The following CHST1 variants were observed in gnomAD, a reference collection of about 807,000 sequenced individuals.
The protein encoded by CHST1 is carbohydrate sulfotransferase 1.
Under a neutral mutation model 22.5 loss-of-function variants are expected in CHST1, and 10 were observed. The observed-to-expected ratio is 0.44, with a 90% CI of 0.27 to 0.75. The LOEUF is 0.75. Among genes scored for constraint, CHST1 ranks in the 30% least tolerant of loss-of-function variants. The pLI is 0.15. For synonymous variants in CHST1, 267 were observed against 264.5 expected, an observed-to-expected ratio of 1.01 and a Z score of -0.09; for missense variants, 439 against 576.1, an observed-to-expected ratio of 0.76 and a Z score of 2.44.
intron 1 of CHST1, among the ~76,000 whole-genome samples, chr11:45,661,143 C>T (rs570993847): frequency 3.5e-4 from 54 of 152,298 alleles, no homozygotes; most frequent in Non-Finnish European, 7.1e-4. Context: ...TACAGCGCCT[C>T]GAGTAATCTT....
In CHST1 at chr11:45,649,759, C is replaced by A; in HGVS notation, c.1165G>T (p.Ala389Ser). ...GGGTTCTTCAGCTCCTCCTCCGAGG[C>A]GGCGATCTTGTAGCCCAGCTGGGCC... ...VLAQLGYKIA[A>S]SEEELKNPSV... Residue 389 changes from alanine (A) to serine (S), a missense_variant, in exon 4 of 4, where the codon GCC (alanine) becomes TCC (serine). Transcript: ENST00000308064. 6.2e-7 allele frequency: 1 copy of A among 1,610,664 alleles called. No individual in the cohort carries two copies. The highest frequency in any genetic ancestry group is 8.5e-7 in the Non-Finnish European group (1 of 1,179,370).
At chr11:45,660,404 C>G (rs1175296179) in intron 1 of CHST1, among the ~76,000 whole-genome samples, 1 of 152,224 alleles carries the variant, frequency 6.6e-6, no homozygotes, top group Non-Finnish European at 1.5e-5. Flanking sequence ...GTCCAAATTA[C>G]TCCATTCAGC....
chr11:45,664,387 G>A (rs1852171290), intron 1 of CHST1, among the ~76,000 whole-genome samples: 1 of 152,334 alleles, frequency 6.6e-6, no homozygotes, highest in Admixed American at 6.5e-5. Flanking sequence ...GCTGAGGAAG[G>A]CAGTCCTGTG....
At position 45,650,607 on chromosome 11, in the gene CHST1, T is replaced by C. The variant is rs1237953104; in HGVS notation, c.317A>G (p.Gln106Arg). 7.4e-6 allele frequency: 12 copies of C among 1,613,890 alleles called. No individual in the cohort carries two copies. The highest frequency in any genetic ancestry group is 1.0e-5 in the Non-Finnish European group (12 of 1,179,978). ...CCGCCGGTCGGCCGGGCTCTTGCCC[T>C]GGGTGAAGCGGGGGATGAGCGTGTT... ...VQNTLIPRFT[Q>R]GKSPADRRVM... The change falls in exon 4 of 4, where the codon CAG (glutamine) becomes CGG (arginine). Residue 106 changes from glutamine to arginine, a missense_variant. Physicochemically the swap from Gln to Arg is conservative, Grantham distance 43 (BLOSUM62 1). Coordinates refer to ENST00000308064, the MANE Select transcript of CHST1 (RefSeq NM_003654.6).
intron 1 of CHST1, among the ~76,000 whole-genome samples, chr11:45,656,601 G>GT (rs1285370344): frequency 6.6e-6 from 1 of 152,178 alleles, no homozygotes; most frequent in Non-Finnish European, 1.5e-5. Flanking sequence ...TTTTGATTCA[G>GT]TTTGAGTTTA....
At chr11:45,651,899 G>A (rs1169357401) in intron 3 of CHST1, 94 bp downstream of exon 3, 1 of 152,506 alleles carries the variant, frequency 6.6e-6, no homozygotes, top group Non-Finnish European at 1.5e-5. Context: ...TGAGCATCCT[G>A]TAGGCACCCT....
chr11:45,650,024 C>T lies in CHST1; in HGVS notation c.900G>A (p.Val300=), dbSNP rs745422470. The change falls in exon 4 of 4, where the codon GTG becomes GTA. Residue 300 remains valine (V), a synonymous_variant. Coordinates refer to ENST00000308064, the MANE Select transcript of CHST1 (RefSeq NM_003654.6). ...PPWLKGKYML[V]RYEDLARNPM... is the part of the protein sequence containing the mutation. The stretch of plus-strand genomic sequence containing the variant: ...GGTTCCGAGCCAGGTCCTCGTAGCG[C>T]ACCAACATGTACTTGCCCTTGAGCC... 2 of 1,614,034 alleles carry T rather than the reference C, an allele frequency of 1.2e-6. No individual in the cohort carries two copies. The highest frequency in any genetic ancestry group is 1.1e-5 in the South Asian group (1 of 91,084).
chr11:45,661,780 C>A (rs1358478055), intron 1 of CHST1, among the ~76,000 whole-genome samples: 1 of 152,170 alleles, frequency 6.6e-6, no homozygotes, highest in African/African-American at 2.4e-5. Context: ...GGGAGCCCTG[C>A]CAAGGAGCAG....
Position 45,650,627 on chromosome 11 carries a change from C to A in CHST1, c.297G>T (p.Thr99=), listed in dbSNP as rs1473373584. 1 of 1,614,040 alleles carries A rather than the reference C, an allele frequency of 6.2e-7. No homozygotes were observed. The highest frequency in any genetic ancestry group is 1.1e-5 in the South Asian group (1 of 91,072). ...LFEPLYHVQN[T]LIPRFTQGKS... ...TGCCCTGGGTGAAGCGGGGGATGAGCGTGTTCTGGACGTGGTAGAGGGGCT... is the reference window on the plus strand; with the variant it reads ...TGCCCTGGGTGAAGCGGGGGATGAGAGTGTTCTGGACGTGGTAGAGGGGCT... Residue 99 remains threonine (T), a synonymous_variant, in exon 4 of 4, where the codon ACG becomes ACT. Coordinates refer to ENST00000308064, the MANE Select transcript of CHST1 (RefSeq NM_003654.6).
intron 1 of CHST1, among the ~76,000 whole-genome samples, chr11:45,659,337 C>A (rs189533314): frequency 6.6e-6 from 1 of 152,118 alleles, no homozygotes; most frequent in South Asian, 2.1e-4. Flanking sequence ...AAGAGCATCA[C>A]CCAGCTAGAG....
At chr11:45,661,866 T>C (rs571452097) in intron 1 of CHST1, among the ~76,000 whole-genome samples, 21 of 152,266 alleles carry the variant, frequency 1.4e-4, no homozygotes, top group African/African-American at 4.6e-4. Flanking sequence ...AAGGCATCAG[T>C]GGCACTCAGA....
In CHST1 at chr11:45,647,976, C is replaced by T. The variant is rs547907777; in HGVS notation, c.*1712G>A. On this transcript the variant is annotated 3_prime_UTR_variant, in exon 4 of 4. Transcript: ENST00000308064. ...CACCAGACACTCCTTTGTCCCAGGA[C>T]AACAAAGCTGTGACCTGCAGCCACC... Among the ~76,000 whole-genome samples, 9 of 152,294 alleles carry T rather than the reference C, an allele frequency of 5.9e-5. No individual in the cohort carries two copies. The highest frequency in any genetic ancestry group is 2.2e-4 in the African/African-American group (9 of 41,562).
rs1290815465 is a variant in CHST1, at chr11:45,649,952, C to G, written c.972G>C (p.Leu324=). The G allele has an allele frequency of 6.2e-7, 1 of 1,613,436 alleles. No homozygotes were observed. The highest frequency in any genetic ancestry group is 8.5e-7 in the Non-Finnish European group (1 of 1,180,016). The change falls in exon 4 of 4, where the codon CTG becomes CTC. Residue 324 remains leucine (L), a synonymous_variant. Transcript: ENST00000308064. The stretch of plus-strand genomic sequence containing the variant: ...GGATCCAGCGGGCCACGTGGCTGTC[C>G]AGCGGGATGCCCAGGAACCCGTAGA... ...EEIYGFLGIP[L]DSHVARWIQN...
At position 45,650,870 on chromosome 11, in the gene CHST1, G is replaced by A; in HGVS notation, c.54C>T (p.Ile18=). 1 of 1,568,246 alleles carries A rather than the reference G, an allele frequency of 6.4e-7. No homozygotes were observed. Among genetic ancestry groups the A allele is most frequent in the South Asian group, 1.2e-5 (1 of 82,944 alleles). The part of the protein sequence containing the change: ...VLLLALASIA[I]QYTAIRTFTA... ...TGAAGGTGCGGATGGCCGTGTACTG[G>A]ATGGCAATGGAGGCCAGGGCAAGGA... The change falls in exon 4 of 4, where the codon ATC becomes ATT. Residue 18 remains isoleucine (I), a synonymous_variant. Transcript: ENST00000308064.
At position 45,649,810 on chromosome 11, in the gene CHST1, C is replaced by A. The variant is rs765832706; in HGVS notation, c.1114G>T (p.Ala372Ser). The change falls in exon 4 of 4, where the codon GCC (alanine) becomes TCC (serine). Residue 372 changes from alanine (A) to serine (S), a missense_variant. Coordinates refer to ENST00000308064, the MANE Select transcript of CHST1 (RefSeq NM_003654.6). ...FRLSYDIVAF[A>S]QNACQQVLAQ... ...AGCACCTGCTGGCAGGCGTTCTGGG[C>A]AAAGGCCACGATGTCGTAGGAGAGG... The A allele has an allele frequency of 1.2e-6, 2 of 1,611,942 alleles. No individual in the cohort carries two copies. The highest frequency in any genetic ancestry group is 4.5e-5 in the East Asian group (2 of 44,860).
Position 45,650,141 on chromosome 11 carries a change from C to G in CHST1, c.783G>C (p.Gly261=), listed in dbSNP as rs757586414. The G allele has an allele frequency of 6.2e-7, 1 of 1,613,896 alleles. No individual in the cohort carries two copies. The highest frequency in any genetic ancestry group is 1.1e-5 in the South Asian group (1 of 91,082). The change falls in exon 4 of 4, where the codon GGG becomes GGC. Residue 261 remains glycine, a synonymous_variant. Transcript: ENST00000308064. The stretch of plus-strand genomic sequence containing the variant: ...TCACGTCCAGGTTGTAGGGTTTCCT[C>G]CCGGTGCCGTACCAGAGCCGCCAGA... The part of the protein sequence containing the change: ...YRLWRLWYGT[G]RKPYNLDVTQ...
intron 1 of CHST1, among the ~76,000 whole-genome samples, chr11:45,655,875 G>A (rs1399848218): frequency 6.6e-6 from 1 of 152,260 alleles, no homozygotes; most frequent in African/African-American, 2.4e-5. Context: ...ATCCCAGGAA[G>A]GCCCCAGACT....
At chr11:45,654,814 T>C (rs11603055) in intron 1 of CHST1, among the ~76,000 whole-genome samples, 62,214 of 152,092 alleles carry the variant, frequency 0.41, 13,926 homozygotes, top group South Asian at 0.52. Flanking sequence ...TCATTATCAG[T>C]GAACTTGAGA....
intron 1 of CHST1, among the ~76,000 whole-genome samples, chr11:45,655,354 C>G (rs767678326): frequency 6.6e-6 from 1 of 152,368 alleles, no homozygotes; most frequent in Non-Finnish European, 1.5e-5. Context: ...CTCTGCCCAC[C>G]GCCCCTTCTT....
Sources: gnomAD v4.1 joint callset for allele counts (sites outside exome capture counted in the v4.1 genomes callset) on GRCh38, gnomAD v4.1.1 for gene constraint, MANE v1.5 for transcripts, NCBI Gene and HGNC (gene_info 2026-07-23, HGNC 2026-07-21) for gene names.